RNF32: variants seen among roughly 807,000 people sequenced by gnomAD.
RNF32 encodes the protein ring finger protein 32.
Under a neutral mutation model 41.0 loss-of-function variants are expected in RNF32, and 36 were observed. The observed-to-expected ratio is 0.88, with a 90% CI of 0.67 to 1.16. RNF32 has a LOEUF of 1.16. RNF32 is among the 50% of genes most tolerant of loss of function. RNF32 has a pLI of 0.00. For synonymous variants in RNF32, 154 were observed against 160.9 expected, an observed-to-expected ratio of 0.96 and a Z score of 0.32; for missense variants, 413 against 436.7, an observed-to-expected ratio of 0.95 and a Z score of 0.48.
Position 156,645,322 on chromosome 7 carries a change from C to T in RNF32, c.274+565C>T, listed in dbSNP as rs963225176. Among the ~76,000 whole-genome samples, 8 of 152,192 alleles carry T rather than the reference C, an allele frequency of 5.3e-5. No homozygotes were observed. The East Asian group carries it at 9.6e-4, about 18-fold the overall frequency. ...GTAATCCTAGTTAGGTCAGCAGTAA[C>T]GCACGGGCCAGCATCATGTGTCTCC... On this transcript the variant is annotated intron_variant, in intron 3 of 8. Coordinates refer to ENST00000317955, the MANE Select transcript of RNF32 (RefSeq NM_030936.4).
At chr7:156,675,320 G>A (rs1382525812) in intron 7 of RNF32, among the ~76,000 whole-genome samples, 4 of 152,354 alleles carry the variant, frequency 2.6e-5, no homozygotes, top group Middle Eastern at 3.4e-3. Context: ...CTTTGGAGAC[G>A]AGGGTGCCTC....
In RNF32 at chr7:156,658,473, A is replaced by G. The variant is rs1485756047; in HGVS notation, c.587A>G (p.Tyr196Cys). 1 of 1,612,184 alleles carries G rather than the reference A, an allele frequency of 6.2e-7. No individual in the cohort carries two copies. The highest frequency in any genetic ancestry group is 1.1e-5 in the South Asian group (1 of 91,054). ...TATCTGTGTTTTAGAATCCAAGCCT[A>G]CTGGAGAGGATGTGTTGTTAGAAAG... ...RIKCVTRIQA[Y>C]WRGCVVRKWY... The change falls in exon 7 of 9, where the codon TAC becomes TGC. Residue 196 changes from tyrosine to cysteine, a missense_variant. Coordinates refer to ENST00000317955, the MANE Select transcript of RNF32 (RefSeq NM_030936.4).
chr7:156,658,072 A>G, intron 5 of RNF32, 56 bp from the exon 6 acceptor site: 1 of 1,540,682 alleles, frequency 6.5e-7, no homozygotes, highest in Non-Finnish European at 8.9e-7. Context: ...TTGGAAGTAA[A>G]AACGTTGTTT....
intron 3 of RNF32, chr7:156,646,433 T>C: frequency 7.7e-7 from 1 of 1,303,862 alleles, no homozygotes; most frequent in Non-Finnish European, 1.0e-6. Flanking sequence ...GATTGTACTC[T>C]CCCTTTCCTC....
At chr7:156,664,083 C>A (rs1236061890) in intron 7 of RNF32, among the ~76,000 whole-genome samples, 1 of 152,206 alleles carries the variant, frequency 6.6e-6, no homozygotes. Flanking sequence ...GGGGAGAGAG[C>A]CTGGATCTCA....
intron 4 of RNF32, among the ~76,000 whole-genome samples, chr7:156,656,868 G>C (rs1036590236): frequency 1.3e-5 from 2 of 152,230 alleles, no homozygotes; most frequent in East Asian, 3.8e-4. Flanking sequence ...GTGGCAGCCC[G>C]CAGGGCCTGG....
intron 7 of RNF32, 112 bp from the exon 8 acceptor site, chr7:156,675,584 C>T (rs1803707804): frequency 3.7e-6 from 3 of 804,878 alleles, no homozygotes; most frequent in South Asian, 1.6e-5. Context: ...AAGTATTATT[C>T]GAAGACAGAG....
chr7:156,641,157 A>G (rs560851371), intron 1 of RNF32, among the ~76,000 whole-genome samples: 6 of 152,258 alleles, frequency 3.9e-5, no homozygotes, highest in African/African-American at 1.4e-4. Flanking sequence ...TTTGAGAGGA[A>G]TTGGAGCCTC....
chr7:156,642,268 C>G (rs1338262222), intron 1 of RNF32, among the ~76,000 whole-genome samples: 1 of 152,170 alleles, frequency 6.6e-6, no homozygotes, highest in African/African-American at 2.4e-5. Flanking sequence ...CAGCACATTC[C>G]TGGTCACAAA....
chr7:156,656,950 G>C (rs1021642683), intron 4 of RNF32, among the ~76,000 whole-genome samples: 3 of 152,202 alleles, frequency 2.0e-5, no homozygotes, highest in Non-Finnish European at 4.4e-5. Context: ...CTAAGCTTCA[G>C]TCTTTTGTCA....
rs372967841 is a variant in RNF32 at position 156,668,475 on chromosome 7, G to A, written c.685-7221G>A. ...AGGACAGAGGCTGTTGAGGGGAGGC[G>A]GGTGGAGCCGGGCTCCAGTGACTTG... On this transcript the variant is annotated intron_variant, in intron 7 of 8. Transcript: ENST00000317955. 1.2e-4 allele frequency among the ~76,000 whole-genome samples: 19 copies of A among 152,296 alleles called. No homozygotes were observed. The South Asian group carries it at 2.3e-3, about 18-fold the overall frequency.
intron 7 of RNF32, chr7:156,659,392 C>T (rs1377808362): frequency 1.0e-6 from 1 of 985,776 alleles, no homozygotes; most frequent in Non-Finnish European, 1.2e-6. Context: ...GATCATTCGT[C>T]TCGGGTGTTC....
chr7:156,653,807 C>T (rs1799145672), intron 3 of RNF32, among the ~76,000 whole-genome samples: 3 of 152,076 alleles, frequency 2.0e-5, no homozygotes, highest in Admixed American at 1.3e-4. Flanking sequence ...CGTGATGATA[C>T]GTCATAGAAA....
upstream of RNF32, chr7:156,640,215 G>A: frequency 2.2e-6 from 1 of 452,834 alleles, no homozygotes; most frequent in Non-Finnish European, 4.4e-6. Context: ...CGGGGGGATC[G>A]GGGGATCCCC....
At position 156,676,581 on chromosome 7, in the gene RNF32, G is replaced by T. The variant is rs375486401; in HGVS notation, c.1015G>T (p.Val339Leu). Reference sequence around the variant, plus strand: ...TCTGCTGGCACTAGAGGAGTTCTCCGTGGGAGACAGGCCTCCTTTCCATGC... The same window carrying T: ...TCTGCTGGCACTAGAGGAGTTCTCCTTGGGAGACAGGCCTCCTTTCCATGC... ...ACLLALEEFS[V>L]GDRPPFHACP... The change falls in exon 9 of 9, where the codon GTG becomes TTG. Residue 339 changes from valine (V) to leucine (L), a missense_variant. Val to Leu is a conservative substitution (Grantham distance 32). Coordinates refer to ENST00000317955, the MANE Select transcript of RNF32 (RefSeq NM_030936.4). 2 of 1,614,064 alleles carry T rather than the reference G, an allele frequency of 1.2e-6. No individual in the cohort carries two copies. The highest frequency in any genetic ancestry group is 2.7e-5 in the African/African-American group (2 of 74,926).
chr7:156,673,769 G>A (rs376486846), intron 7 of RNF32, among the ~76,000 whole-genome samples: 4 of 152,160 alleles, frequency 2.6e-5, no homozygotes, highest in African/African-American at 4.8e-5. Context: ...AGTCTCCACA[G>A]CACTCGACCC....
chr7:156,642,623 G>A (rs1433574525), intron 1 of RNF32, among the ~76,000 whole-genome samples: 1 of 152,232 alleles, frequency 6.6e-6, no homozygotes, highest in East Asian at 1.9e-4. Flanking sequence ...GCTTATTCCA[G>A]TTCAGGGTGG....
In RNF32 at chr7:156,643,889, T is replaced by A. The variant is rs752966515; in HGVS notation, c.12T>A (p.Asn4Lys). 2 of 1,611,184 alleles carry A rather than the reference T, an allele frequency of 1.2e-6. No individual in the cohort carries two copies. The highest frequency in any genetic ancestry group is 1.7e-6 in the Non-Finnish European group (2 of 1,177,482). MLKNKGHSSKKDNL... is the reference protein window; with the variant it reads MLKKKGHSSKKDNL... ...TTTCCTAATTCGGCATGTTAAAAAA[T>A]AAGGTACGCTATTCTTTTCTTAAAC... is the stretch of plus-strand genomic sequence containing the variant. The change falls in exon 2 of 9, where the codon AAT becomes AAA. Residue 4 changes from asparagine (N) to lysine (K), a missense_variant. By Grantham distance (94) the Asn-to-Lys change is moderately conservative. Coordinates refer to ENST00000317955, the MANE Select transcript of RNF32 (RefSeq NM_030936.4).
chr7:156,640,448 GC>G, upstream of RNF32: 1 of 369,600 alleles, frequency 2.7e-6, no homozygotes, highest in South Asian at 1.9e-5. Context: ...GCGCCTGCAC[GC>G]CCCCGTGCTT....
Sources: allele counts gnomAD v4.1 joint callset (sites outside exome capture counted in the v4.1 genomes callset), GRCh38; gene constraint gnomAD v4.1.1; transcripts MANE v1.5; gene names NCBI Gene and HGNC (gene_info 2026-07-23, HGNC 2026-07-21).